The following IL5RA variants were observed in gnomAD, a reference collection of about 807,000 sequenced individuals.
IL5RA encodes the protein interleukin 5 receptor subunit alpha, also known as interleukin-5 receptor subunit alpha.
In IL5RA, 49 loss-of-function variants were observed where a neutral mutation model predicts 50.0. The ratio of observed to expected loss-of-function variants is 0.98; its 90% confidence interval spans 0.78 to 1.24. The LOEUF (loss-of-function observed/expected upper bound fraction) is 1.24. Among genes scored for constraint, IL5RA ranks in the 50% most tolerant of loss-of-function variants. The pLI is 0.00. For synonymous variants in IL5RA, 202 were observed against 174.0 expected (o/e 1.16, Z -1.26); for missense variants, 600 against 500.4 (o/e 1.20, Z -1.90).
At chr3:3,073,725 A>G (rs897766024) in intron 11 of IL5RA, 1 of 433,212 alleles carries the variant, frequency 2.3e-6, no homozygotes, top group African/African-American at 2.1e-5. Flanking sequence ...CTTTTCCCCA[A>G]ATTAACTGAC....
rs765785031 is a variant in IL5RA at position 3,090,399 on chromosome 3, C to T, written c.994+1825G>A. On this transcript the variant is annotated intron_variant, in intron 9 of 11. Transcript: ENST00000446632. ...CTTATAGACCTAGTGCAACAGTTAA[C>T]GACGTGTGTGTGCCTCCCCAGGCTG... is the stretch of plus-strand genomic sequence containing the variant. 7.8e-6 allele frequency: 5 copies of T among 637,646 alleles called. No individual in the cohort carries two copies. In the East Asian group the frequency reaches 8.5e-5, roughly 11 times the overall value. The allele number at this position is 637,646 out of a possible 1,614,324, so 39.5% of individuals were successfully genotyped here.
chr3:3,082,330 C>T (rs1448170165), intron 9 of IL5RA, among the ~76,000 whole-genome samples: 1 of 152,188 alleles, frequency 6.6e-6, no homozygotes, highest in African/African-American at 2.4e-5. Flanking sequence ...GAATACCTTT[C>T]TTGCCATTAA....
At chr3:3,084,237 T>G (rs1039986778) in intron 9 of IL5RA, among the ~76,000 whole-genome samples, 7 of 152,094 alleles carry the variant, frequency 4.6e-5, no homozygotes, top group African/African-American at 1.7e-4. Flanking sequence ...AAATATTACT[T>G]ACTATAATTA....
Position 3,100,546 on chromosome 3 carries a change from CTT to C in IL5RA, c.367+1144_367+1145del, listed in dbSNP as rs556294163. 5.7e-4 allele frequency among the ~76,000 whole-genome samples: 87 copies of C among 152,332 alleles called. 1 individual carries two copies. Among genetic ancestry groups the C allele is most frequent in the Middle Eastern group, 6.8e-3 (2 of 294 alleles). On this transcript the variant is annotated intron_variant, in intron 5 of 11. Coordinates refer to ENST00000446632, the MANE Select transcript of IL5RA (RefSeq NM_175726.4). ...GTACACTTTAGAGATCCTGACAACT[CTT>C]TGTCTTATAGTTCTCATCCAAAGAA...
chr3:3,099,965 C>T (rs34081989), intron 5 of IL5RA, among the ~76,000 whole-genome samples: 16 of 152,246 alleles, frequency 1.1e-4, no homozygotes, highest in Non-Finnish European at 1.8e-4. Context: ...CGACCGCACC[C>T]GGCCAAGATT....
chr3:3,080,198 AG>A (rs1385489051), intron 9 of IL5RA, among the ~76,000 whole-genome samples: 6 of 152,318 alleles, frequency 3.9e-5, no homozygotes, highest in Admixed American at 2.0e-4. Flanking sequence ...GAGTGCTTCT[AG>A]GTGCTCAGAT....
intron 7 of IL5RA, among the ~76,000 whole-genome samples, chr3:3,097,522 C>T (rs748280749): frequency 6.6e-6 from 1 of 152,138 alleles, no homozygotes; most frequent in Admixed American, 6.5e-5. Context: ...TGATTCTCAA[C>T]TGGGGGAAAT....
At chr3:3,101,111 A>G (rs1372420363) in intron 5 of IL5RA, among the ~76,000 whole-genome samples, 1 of 151,684 alleles carries the variant, frequency 6.6e-6, no homozygotes, top group Non-Finnish European at 1.5e-5. Context: ...CCCAGGAGGC[A>G]GAGGTTGCAG....
chr3:3,085,027 G>A (rs888148187), intron 9 of IL5RA, among the ~76,000 whole-genome samples: 2 of 152,226 alleles, frequency 1.3e-5, no homozygotes, highest in African/African-American at 4.8e-5. Context: ...GATGAAATCT[G>A]AAAGGTCCCT....
chr3:3,099,807 T>C (rs568048913), intron 5 of IL5RA, among the ~76,000 whole-genome samples: 10 of 151,896 alleles, frequency 6.6e-5, no homozygotes, highest in African/African-American at 2.4e-4. Flanking sequence ...GTAACTGGGA[T>C]TACAGGCACG....
At chr3:3,075,767 A>AT (rs1485648904) in intron 10 of IL5RA, among the ~76,000 whole-genome samples, 2 of 151,626 alleles carry the variant, frequency 1.3e-5, no homozygotes, top group African/African-American at 4.8e-5. Context: ...CGCCCAGCTA[A>AT]TTTTTTGTAT....
intron 3 of IL5RA, 28 bp from the exon 4 acceptor site, chr3:3,102,848 C>T (rs1367867170): frequency 6.3e-7 from 1 of 1,583,242 alleles, no homozygotes; most frequent in Non-Finnish European, 8.6e-7. Flanking sequence ...AAAGAAACAA[C>T]ACAATGTTCA....
chr3:3,101,098 G>A (rs1025092923), intron 5 of IL5RA, among the ~76,000 whole-genome samples: 4 of 151,412 alleles, frequency 2.6e-5, no homozygotes, highest in East Asian at 3.9e-4. Flanking sequence ...AGAACCGCTT[G>A]AACCCAGGAG....
At chr3:3,075,244 C>G (rs993490822) in intron 10 of IL5RA, among the ~76,000 whole-genome samples, 2 of 143,102 alleles carry the variant, frequency 1.4e-5, no homozygotes, top group African/African-American at 5.3e-5. Context: ...GCTCTGTCAC[C>G]CAGGCTGGAG....
intron 9 of IL5RA, among the ~76,000 whole-genome samples, chr3:3,089,646 CTT>C (rs200006367): frequency 1.4e-4 from 20 of 145,778 alleles, no homozygotes; most frequent in African/African-American, 4.0e-4. Context: ...ACCAAGATGT[CTT>C]TTTTTTTTTT....
At chr3:3,084,347 G>T (rs1702776114) in intron 9 of IL5RA, among the ~76,000 whole-genome samples, 1 of 152,168 alleles carries the variant, frequency 6.6e-6, no homozygotes, top group Non-Finnish European at 1.5e-5. Context: ...TTCTAAAAAT[G>T]CAGAGAGATA....
intron 9 of IL5RA, among the ~76,000 whole-genome samples, chr3:3,090,718 C>T (rs1234129163): frequency 6.6e-6 from 1 of 151,898 alleles, no homozygotes; most frequent in East Asian, 1.9e-4. Context: ...AGGCGCCCGC[C>T]ACCACGCCCG....
chr3:3,092,165 G>C lies in IL5RA; in HGVS notation c.994+59C>G. The C allele has an allele frequency of 6.3e-7, 1 of 1,591,240 alleles. No homozygotes were observed. The highest frequency in any genetic ancestry group is 1.4e-5 in the African/African-American group (1 of 74,022). On this transcript the variant is annotated intron_variant, in intron 9 of 11. Transcript: ENST00000446632. This position sits in a 1 kb window ranked among gnomAD's most constrained non-coding sequence, Gnocchi z 4.2. ...CACGAGTGAACGGGTACGTTTCTGG[G>C]ATTACCTTTTTTGATCACAAGGAAG...
rs372270931 is a variant in IL5RA at position 3,085,093 on chromosome 3, C to G, written c.994+7131G>C. Among the ~76,000 whole-genome samples, 15 of 152,348 alleles carry G rather than the reference C, an allele frequency of 9.8e-5. No individual in the cohort carries two copies. In the East Asian group the frequency reaches 1.9e-3, roughly 20 times the overall value. ...CACAGGCGTGAGGCAGTCCGCCCCC[C>G]CTGGTGGGAACAAATGGTGGGGCTG... On this transcript the variant is annotated intron_variant, in intron 9 of 11. Transcript: ENST00000446632.
Sources: gnomAD v4.1 joint callset for allele counts (sites outside exome capture counted in the v4.1 genomes callset) on GRCh38, gnomAD v4.1.1 for gene constraint, Gnocchi (gnomAD v3.1) non-coding constraint, MANE v1.5 for transcripts, NCBI Gene and HGNC (gene_info 2026-07-23, HGNC 2026-07-21) for gene names.